The following NRXN1 variants were observed in gnomAD, a reference collection of about 807,000 sequenced individuals.
The protein encoded by NRXN1 is neurexin 1, also known as neurexin-1.
NRXN1 carries 39 observed loss-of-function variants against 150.9 expected under a neutral mutation model. The ratio of observed to expected loss-of-function variants is 0.26; its 90% CI spans 0.20 to 0.34. The LOEUF (loss-of-function observed/expected upper bound fraction) is 0.34. Ranked by LOEUF, NRXN1 falls within the 10% of genes least tolerant of loss-of-function variation. NRXN1 has a pLI of 1.00. For missense variants in NRXN1, 1,815 were observed against 1,949.9 expected (o/e 0.93, Z 1.30); for synonymous variants, 924 against 757.0 (o/e 1.22, Z -3.62).
chr2:49,926,228 C>T (rs1669083116), intron 22 of NRXN1: 1 of 397,152 alleles, frequency 2.5e-6, no homozygotes, highest in Non-Finnish European at 4.4e-6. Flanking sequence ...TTCTGAGATT[C>T]ATTTAGCCAA....
At chr2:50,360,286 C>T (rs1436217883) in intron 17 of NRXN1, among the ~76,000 whole-genome samples, 4 of 152,126 alleles carry the variant, frequency 2.6e-5, no homozygotes, top group Non-Finnish European at 5.9e-5. Context: ...GTAAATGGGC[C>T]AAATGCCCAA....
At chr2:50,221,683 C>T (rs1379421091) in intron 18 of NRXN1, among the ~76,000 whole-genome samples, 1 of 152,006 alleles carries the variant, frequency 6.6e-6, no homozygotes, top group Non-Finnish European at 1.5e-5. Context: ...TAATTAATCA[C>T]ATGTAGAATT....
chr2:50,738,996 G>C (rs1428060179), intron 5 of NRXN1, among the ~76,000 whole-genome samples: 2 of 152,080 alleles, frequency 1.3e-5, no homozygotes, highest in African/African-American at 4.8e-5. Flanking sequence ...CACTTGGTTT[G>C]GCTCAGTGCT....
intron 5 of NRXN1, among the ~76,000 whole-genome samples, chr2:50,753,024 C>T (rs1346345525): frequency 6.6e-6 from 1 of 151,824 alleles, no homozygotes; most frequent in African/African-American, 2.4e-5. Flanking sequence ...CCTATTAACA[C>T]TTACATGGTT....
At chr2:50,762,654 C>A (rs1701938894) in intron 5 of NRXN1, among the ~76,000 whole-genome samples, 1 of 151,778 alleles carries the variant, frequency 6.6e-6, no homozygotes, top group Non-Finnish European at 1.5e-5. Context: ...ATCAATGTTG[C>A]TGCAAAAAAC....
At chr2:50,696,544 G>A (rs947870702) in intron 5 of NRXN1, among the ~76,000 whole-genome samples, 13 of 152,074 alleles carry the variant, frequency 8.5e-5, no homozygotes, top group African/African-American at 2.4e-4. Flanking sequence ...TGAAGCAGGC[G>A]GAGAAAACTG....
At chr2:50,811,329 T>A (rs1310785937) in intron 5 of NRXN1, among the ~76,000 whole-genome samples, 2 of 152,156 alleles carry the variant, frequency 1.3e-5, no homozygotes, top group African/African-American at 4.8e-5. Context: ...ATCATGCAAG[T>A]ATTGTCTGCA....
chr2:50,892,390 C>G (rs189731248), intron 5 of NRXN1, among the ~76,000 whole-genome samples: 113 of 152,212 alleles, frequency 7.4e-4, no homozygotes, highest in African/African-American at 2.5e-3. Flanking sequence ...TCTCCTAAGG[C>G]TGGGTTATGA....
At chr2:50,410,760 T>A (rs980876772) in intron 17 of NRXN1, among the ~76,000 whole-genome samples, 1 of 152,164 alleles carries the variant, frequency 6.6e-6, no homozygotes, top group Non-Finnish European at 1.5e-5. Context: ...ATGCAGAGTA[T>A]AGATGGCACA....
intron 18 of NRXN1, among the ~76,000 whole-genome samples, chr2:50,229,092 G>T (rs1369355500): frequency 6.6e-6 from 1 of 151,936 alleles, no homozygotes; most frequent in Non-Finnish European, 1.5e-5. Flanking sequence ...GATTATTTAT[G>T]TCTACTATTA....
At chr2:50,547,023 A>C (rs1286066916) in intron 9 of NRXN1, among the ~76,000 whole-genome samples, 1 of 148,944 alleles carries the variant, frequency 6.7e-6, no homozygotes, top group Non-Finnish European at 1.5e-5. Context: ...CTGGTAATAG[A>C]TAGCTAGAAA....
intron 5 of NRXN1, among the ~76,000 whole-genome samples, chr2:50,695,631 G>C (rs910905654): frequency 1.3e-5 from 2 of 152,152 alleles, no homozygotes; most frequent in East Asian, 1.9e-4. Context: ...AAATTTGAGA[G>C]ATTAAAATAT....
At chr2:50,205,777 A>G (rs1485538344) in intron 18 of NRXN1, among the ~76,000 whole-genome samples, 1 of 152,172 alleles carries the variant, frequency 6.6e-6, no homozygotes, top group African/African-American at 2.4e-5. Flanking sequence ...AGTATTTAAA[A>G]TAAATGAAAT....
intron 1 of NRXN1, 87 bp from the exon 2 acceptor site, chr2:51,029,281 C>T (rs570748288): frequency 1.3e-5 from 2 of 152,230 alleles, no homozygotes. Context: ...AAGTGTAGAC[C>T]TGGTCCTATT....
chr2:50,164,016 C>A (rs1339369407), intron 18 of NRXN1, among the ~76,000 whole-genome samples: 1 of 152,140 alleles, frequency 6.6e-6, no homozygotes, highest in African/African-American at 2.4e-5. Context: ...TTAGGCCATA[C>A]TGATTTACAT....
intron 22 of NRXN1, among the ~76,000 whole-genome samples, chr2:49,942,022 T>A (rs562987810): frequency 3.7e-4 from 56 of 152,196 alleles, no homozygotes; most frequent in African/African-American, 1.3e-3. Flanking sequence ...ACTAACAGAT[T>A]AAGCATACCA....
chr2:50,251,544 C>T (rs897322068), intron 17 of NRXN1, among the ~76,000 whole-genome samples: 1 of 152,042 alleles, frequency 6.6e-6, no homozygotes, highest in Non-Finnish European at 1.5e-5. Flanking sequence ...TGGGTATATA[C>T]CCAGTAGTAG....
chr2:50,326,619 A>G (rs2076400395), intron 17 of NRXN1, among the ~76,000 whole-genome samples: 1 of 152,190 alleles, frequency 6.6e-6, no homozygotes, highest in African/African-American at 2.4e-5. Context: ...GTTTGGTAGT[A>G]ACACTACTAT....
intron 5 of NRXN1, among the ~76,000 whole-genome samples, chr2:50,851,050 A>C (rs1165955686): frequency 6.6e-6 from 1 of 152,220 alleles, no homozygotes; most frequent in Non-Finnish European, 1.5e-5. Flanking sequence ...TATAAAGGAA[A>C]GAATAAAGGA....
Sources: allele counts gnomAD v4.1 joint callset (sites outside exome capture counted in the v4.1 genomes callset), GRCh38; gene constraint gnomAD v4.1.1; transcripts MANE v1.5; gene names NCBI Gene and HGNC (gene_info 2026-07-23, HGNC 2026-07-21).